The following POLA2 variants were observed in gnomAD, a reference collection of about 807,000 sequenced individuals.
The protein encoded by POLA2 is DNA polymerase alpha subunit B.
In POLA2, 47 loss-of-function variants were observed where a neutral mutation model predicts 82.8. The ratio of observed to expected loss-of-function variants is 0.57; its 90% CI spans 0.45 to 0.72. The LOEUF (loss-of-function observed/expected upper bound fraction) is 0.72. Among genes scored for constraint, POLA2 ranks in the 30% least tolerant of loss-of-function variants. The pLI is 0.00. For synonymous variants in POLA2, 287 were observed against 286.8 expected, an observed-to-expected ratio of 1.00 and a Z score of -0.01; for missense variants, 634 against 728.1, an observed-to-expected ratio of 0.87 and a Z score of 1.49.
intron 11 of POLA2, 73 bp from the exon 12 acceptor site, chr11:65,288,977 G>A (rs1949726846): frequency 7.4e-7 from 1 of 1,357,064 alleles, no homozygotes; most frequent in South Asian, 1.2e-5. Flanking sequence ...TGCCAGAGGA[G>A]GTATCTGAAG....
intron 2 of POLA2, 81 bp downstream of exon 2, chr11:65,266,787 G>C: frequency 6.8e-7 from 1 of 1,475,360 alleles, no homozygotes; most frequent in Non-Finnish European, 9.4e-7. Context: ...ATATTGAGAG[G>C]AGTGTGGGCT....
intron 4 of POLA2, among the ~76,000 whole-genome samples, chr11:65,271,515 A>G (rs779761810): frequency 4.6e-5 from 7 of 152,150 alleles, no homozygotes; most frequent in Non-Finnish European, 1.0e-4. Flanking sequence ...TATTTAGGAT[A>G]CCCCATTCCT....
In POLA2 at chr11:65,289,095, G is replaced by A; in HGVS notation, c.1170+7G>A. 6.2e-7 allele frequency: 1 copy of A among 1,611,430 alleles called. No individual in the cohort carries two copies. The highest frequency in any genetic ancestry group is 1.3e-5 in the African/African-American group (1 of 75,000). On this transcript the variant is annotated splice_region_variant and intron_variant, in intron 12 of 17. Coordinates refer to ENST00000265465, the MANE Select transcript of POLA2 (RefSeq NM_002689.4). ...TAAGCATGAACAGGTGGAGGTGAGT[G>A]GGCTGGGGTGGGAAGGGGTCCTGGG... is the stretch of plus-strand genomic sequence containing the variant.
At chr11:65,296,137 A>T in intron 17 of POLA2, 147 bp downstream of exon 17, 997 of 726,474 alleles carry the variant, frequency 1.4e-3, no homozygotes, top group East Asian at 3.9e-3. Context: ...TTCTTTGGGG[A>T]GGTGGTGGGA....
Position 65,294,422 on chromosome 11 carries a change from T to G in POLA2, c.1354-124T>G, listed in dbSNP as rs1372684692. The G allele has an allele frequency of 7.2e-6, 7 of 974,718 alleles. No individual in the cohort carries two copies. In the East Asian group the frequency reaches 1.7e-4, roughly 23 times the overall value. The allele number at this position is 974,718 out of a possible 1,614,324, so 60.4% of individuals were successfully genotyped here. On this transcript the variant is annotated intron_variant, in intron 14 of 17. Coordinates refer to ENST00000265465, the MANE Select transcript of POLA2 (RefSeq NM_002689.4). ...AAACAGGCAAATGTGTCCAAAAGCT[T>G]GATGTATGTTGGTTTGGTCCCCCTT...
chr11:65,263,286 CTCGG>C (rs1272636254), intron 1 of POLA2, among the ~76,000 whole-genome samples: 1 of 137,160 alleles, frequency 7.3e-6, no homozygotes, highest in African/African-American at 2.8e-5. Context: ...GTGGTGCAAT[CTCGG>C]CTCACTTCAG....
chr11:65,287,446 C>T (rs1949708493), intron 10 of POLA2, among the ~76,000 whole-genome samples: 1 of 152,206 alleles, frequency 6.6e-6, no homozygotes, highest in African/African-American at 2.4e-5. Context: ...TTCCTGACTG[C>T]CACTTTCCTC....
chr11:65,278,997 C>T (rs1949612135), intron 6 of POLA2, 74 bp downstream of exon 6: 1 of 1,355,784 alleles, frequency 7.4e-7, no homozygotes. Context: ...AAAGCTTCAG[C>T]TAGGCTGGTA....
intron 12 of POLA2, among the ~76,000 whole-genome samples, chr11:65,289,414 T>A (rs1949731241): frequency 6.6e-6 from 1 of 152,206 alleles, no homozygotes; most frequent in African/African-American, 2.4e-5. Context: ...AAAGAACCTG[T>A]CCTGGCCAAT....
chr11:65,302,591 G>A (rs1052980010), downstream of POLA2, among the ~76,000 whole-genome samples: 45 of 152,134 alleles, frequency 3.0e-4, 1 homozygote, highest in African/African-American at 1.0e-3. Context: ...CTGAGGACTC[G>A]AGGCCCCTTC....
intron 10 of POLA2, among the ~76,000 whole-genome samples, chr11:65,285,561 T>A (rs1949687200): frequency 7.5e-6 from 1 of 133,766 alleles, no homozygotes; most frequent in Non-Finnish European, 1.6e-5. Flanking sequence ...GGAGTGAGAG[T>A]GAGATCCTAT....
intron 4 of POLA2, among the ~76,000 whole-genome samples, chr11:65,269,950 G>GC (rs1949504945): frequency 6.6e-6 from 1 of 152,162 alleles, no homozygotes; most frequent in Non-Finnish European, 1.5e-5. Flanking sequence ...TTCTGCCTCA[G>GC]CCTCCTGAGT....
At chr11:65,276,774 T>C (rs991843599) in intron 5 of POLA2, among the ~76,000 whole-genome samples, 45 of 152,044 alleles carry the variant, frequency 3.0e-4, no homozygotes, top group African/African-American at 8.7e-4. Context: ...GAGCTTAAGA[T>C]TGTTCAACTC....
In POLA2 at chr11:65,278,908, C is replaced by G. The variant is rs1026031223; in HGVS notation, c.640C>G (p.Pro214Ala). ...GSYKSMFQKL[P>A]DIREVLTCKI... ...CTACAAATCCATGTTTCAGAAGCTC[C>G]CAGACATTCGAGAAGGTGATTGTTT... The change falls in exon 6 of 18, where the codon CCA becomes GCA. Residue 214 changes from proline to alanine, a missense_variant. Pro to Ala is a conservative substitution (Grantham distance 27, BLOSUM62 -1). Coordinates refer to ENST00000265465, the MANE Select transcript of POLA2 (RefSeq NM_002689.4). The G allele has an allele frequency of 6.2e-7, 1 of 1,613,116 alleles. No individual in the cohort carries two copies. Among genetic ancestry groups the G allele is most frequent in the Non-Finnish European group, 8.5e-7 (1 of 1,179,918 alleles).
intron 5 of POLA2, among the ~76,000 whole-genome samples, chr11:65,278,102 A>G (rs1020330758): frequency 1.3e-5 from 2 of 152,180 alleles, no homozygotes; most frequent in African/African-American, 4.8e-5. Flanking sequence ...AGCAATATCC[A>G]TGTGTTCTTA....
intron 13 of POLA2, among the ~76,000 whole-genome samples, chr11:65,291,814 T>TGCCATAGGGCA (rs1949758432): frequency 1.3e-5 from 2 of 152,240 alleles, no homozygotes; most frequent in Non-Finnish European, 2.9e-5. Context: ...CTATGGCCAG[T>TGCCATAGGGCA]GTGTGCCACA....
In POLA2 at chr11:65,275,956, G is replaced by C. The variant is rs769697685; in HGVS notation, c.419G>C (p.Arg140Pro). ...TPLTKRSVST[R>P]SPHQLLSPSS... ...CTAACAAAAAGGAGTGTGTCAACTC[G>C]TAGCCCCCATCAGCTACTCTCACCG... Residue 140 changes from arginine (R) to proline (P), a missense_variant, in exon 5 of 18, where the codon CGT becomes CCT. Arg to Pro is a moderately radical substitution (Grantham distance 103). Coordinates refer to ENST00000265465, the MANE Select transcript of POLA2 (RefSeq NM_002689.4). The C allele has an allele frequency of 3.1e-6, 5 of 1,607,740 alleles. No homozygotes were observed. The highest frequency in any genetic ancestry group is 1.7e-5 in the Admixed American group (1 of 59,084).
Position 65,262,197 on chromosome 11 carries a change from G to T in POLA2, c.-96G>T. On this transcript the variant is annotated 5_prime_UTR_variant, in exon 1 of 18. Coordinates refer to ENST00000265465, the MANE Select transcript of POLA2 (RefSeq NM_002689.4). ...CGGTCCGCGGAGGGGGGAAGGATAAGAGGGCGAGGAGCTCATCGCTCGCCA... is the reference window on the plus strand; with the variant it reads ...CGGTCCGCGGAGGGGGGAAGGATAATAGGGCGAGGAGCTCATCGCTCGCCA... 1.1e-6 allele frequency: 1 copy of T among 893,042 alleles called. No homozygotes were observed. Among genetic ancestry groups the T allele is most frequent in the Non-Finnish European group, 1.8e-6 (1 of 554,042 alleles). 55.3% of individuals were successfully genotyped at this position (893,042 alleles called of 1,614,324 possible).
intron 1 of POLA2, among the ~76,000 whole-genome samples, chr11:65,263,732 C>T (rs950384411): frequency 4.0e-5 from 6 of 151,458 alleles, no homozygotes; most frequent in South Asian, 2.1e-4. Context: ...GAGGCTGAGG[C>T]GGAAGAATCG....
Sources: gnomAD v4.1 joint callset for allele counts (sites outside exome capture counted in the v4.1 genomes callset) on GRCh38, gnomAD v4.1.1 for gene constraint, MANE v1.5 for transcripts, NCBI Gene and HGNC (gene_info 2026-07-23, HGNC 2026-07-21) for gene names.